NEK11: variants seen among roughly 807,000 people sequenced by gnomAD.
NEK11 encodes the protein NIMA related kinase 11, also known as serine/threonine-protein kinase Nek11.
NEK11 carries 72 observed loss-of-function variants against 80.7 expected under a neutral mutation model. That is an observed-to-expected ratio of 0.89 (90% CI 0.74 to 1.08). The LOEUF is 1.08. Among genes scored for constraint, NEK11 ranks in the 50% least tolerant of loss-of-function variants. The probability of loss-of-function intolerance (pLI) is 0.00; values close to 1 mark genes in which losing one functional copy is unlikely to be tolerated. For missense variants in NEK11, 764 were observed against 763.6 expected, an observed-to-expected ratio of 1.00 and a Z score of -0.01; for synonymous variants, 251 against 260.7, an observed-to-expected ratio of 0.96 and a Z score of 0.36.
chr3:131,207,599 C>T (rs1201368344), intron 14 of NEK11, among the ~76,000 whole-genome samples: 1 of 151,926 alleles, frequency 6.6e-6, no homozygotes, highest in African/African-American at 2.4e-5. Flanking sequence ...AAAAGTGTTC[C>T]TATTTCTCCA....
chr3:131,102,210 T>C (rs1413980258), intron 4 of NEK11, among the ~76,000 whole-genome samples: 3 of 152,180 alleles, frequency 2.0e-5, no homozygotes, highest in South Asian at 2.1e-4. Flanking sequence ...ATGTGAGATA[T>C]TGATCCTGTC....
At chr3:131,212,228 G>A (rs143859318) in intron 14 of NEK11, among the ~76,000 whole-genome samples, 3,727 of 152,264 alleles carry the variant, frequency 0.024, 159 homozygotes, top group African/African-American at 0.085. Flanking sequence ...AGGACCCTCA[G>A]CTGCAGGTCT....
intron 17 of NEK11, among the ~76,000 whole-genome samples, chr3:131,337,872 G>C (rs564211488): frequency 9.9e-5 from 15 of 152,236 alleles, no homozygotes; most frequent in Non-Finnish European, 1.9e-4. Flanking sequence ...TGAAACAGGA[G>C]TTATATCGCA....
chr3:131,336,626 A>C (rs1373911231), intron 17 of NEK11, among the ~76,000 whole-genome samples: 1 of 152,198 alleles, frequency 6.6e-6, no homozygotes, highest in East Asian at 1.9e-4. Context: ...ATGGGATCTC[A>C]TTAAACTAAA....
intron 17 of NEK11, among the ~76,000 whole-genome samples, chr3:131,341,144 C>G (rs1402291981): frequency 2.0e-5 from 3 of 152,112 alleles, no homozygotes; most frequent in Non-Finnish European, 4.4e-5. Flanking sequence ...TCTAAAAATT[C>G]AAATGCATCA....
intron 14 of NEK11, among the ~76,000 whole-genome samples, chr3:131,192,724 G>A (rs902489319): frequency 6.6e-6 from 1 of 152,102 alleles, no homozygotes; most frequent in African/African-American, 2.4e-5. Flanking sequence ...AATGAGCTAC[G>A]TATAGCAGCC....
intron 3 of NEK11, among the ~76,000 whole-genome samples, chr3:131,036,797 C>T (rs2065720189): frequency 3.3e-5 from 5 of 152,178 alleles, no homozygotes; most frequent in Admixed American, 3.3e-4. Context: ...TTTCTAACAG[C>T]TGTTACTACA....
At chr3:131,253,363 G>T (rs1191991892) in intron 16 of NEK11, among the ~76,000 whole-genome samples, 2 of 152,028 alleles carry the variant, frequency 1.3e-5, no homozygotes, top group African/African-American at 2.4e-5. Context: ...GATATTAAGT[G>T]ATTCTAGGCA....
intron 16 of NEK11, among the ~76,000 whole-genome samples, chr3:131,259,535 CT>C (rs1253334661): frequency 1.3e-5 from 2 of 152,078 alleles, no homozygotes; most frequent in African/African-American, 2.4e-5. Flanking sequence ...GTAGGCAGGA[CT>C]TTTATGCATG....
intron 16 of NEK11, among the ~76,000 whole-genome samples, chr3:131,252,569 T>A (rs565836008): frequency 6.6e-6 from 1 of 152,276 alleles, no homozygotes; most frequent in East Asian, 1.9e-4. Context: ...AGCATTTGTG[T>A]GGCTTCAGGA....
chr3:131,043,095 A>G (rs36040587), intron 3 of NEK11, among the ~76,000 whole-genome samples: 24,592 of 152,184 alleles, frequency 0.16, 2,098 homozygotes, highest in Non-Finnish European at 0.19. Flanking sequence ...ACCACGCAAA[A>G]ACTTCATCCA....
intron 17 of NEK11, among the ~76,000 whole-genome samples, chr3:131,274,877 TCTC>T (rs1307686775): frequency 2.3e-4 from 35 of 151,860 alleles, no homozygotes; most frequent in African/African-American, 8.2e-4. Flanking sequence ...ATGGTCTCGA[TCTC>T]CTGACCTCGT....
chr3:131,098,968 T>A (rs2077934295), intron 4 of NEK11, among the ~76,000 whole-genome samples: 1 of 152,190 alleles, frequency 6.6e-6, no homozygotes, highest in Non-Finnish European at 1.5e-5. Flanking sequence ...GCTGTGCAGA[T>A]GCTCTTTCAT....
At chr3:131,188,434 T>C (rs1170842501) in intron 14 of NEK11, among the ~76,000 whole-genome samples, 3 of 152,194 alleles carry the variant, frequency 2.0e-5, no homozygotes, top group African/African-American at 4.8e-5. Flanking sequence ...GTTTGCCTCT[T>C]TGAGCTTCAA....
intron 7 of NEK11, among the ~76,000 whole-genome samples, chr3:131,142,073 T>A (rs2149701071): frequency 6.6e-6 from 1 of 152,306 alleles, no homozygotes; most frequent in Admixed American, 6.5e-5. Context: ...CCTGCTCTGA[T>A]CCATAGTTTT....
In NEK11 at chr3:131,170,765, T is replaced by G. The variant is rs762674346; in HGVS notation, c.1285-8T>G. Reference sequence around the variant, plus strand: ...GCATCTCATGAATTGTTAATTACCTTCCACAAGGAATCTGATGAACCAACT... The same window carrying G: ...GCATCTCATGAATTGTTAATTACCTGCCACAAGGAATCTGATGAACCAACT... On this transcript the variant is annotated splice_polypyrimidine_tract_variant and splice_region_variant and intron_variant, in intron 13 of 17. Transcript: ENST00000383366. 5 of 1,564,980 alleles carry G rather than the reference T, an allele frequency of 3.2e-6. No individual in the cohort carries two copies. The highest frequency in any genetic ancestry group is 4.4e-6 in the Non-Finnish European group (5 of 1,135,248).
chr3:131,254,888 C>T (rs555257567), intron 16 of NEK11, among the ~76,000 whole-genome samples: 25 of 151,914 alleles, frequency 1.6e-4, no homozygotes, highest in South Asian at 6.2e-4. Flanking sequence ...GGCATTATGG[C>T]GGGTGCCTGT....
chr3:131,114,063 T>A (rs983603878), intron 5 of NEK11, among the ~76,000 whole-genome samples: 1 of 152,076 alleles, frequency 6.6e-6, no homozygotes, highest in South Asian at 2.1e-4. Flanking sequence ...GGAAGTTGTC[T>A]TCATCTTGAT....
rs568289448 is a variant in NEK11, at chr3:131,331,533, G to A, written c.1719-18024G>A. On this transcript the variant is annotated intron_variant, in intron 17 of 17. Transcript: ENST00000383366. ...GTCTACACCTCCCAGCGTGAGCGAC[G>A]CAGAATACGGGTGATTTCTGCATTT... Among the ~76,000 whole-genome samples the A allele has an allele frequency of 3.3e-5, 5 of 152,330 alleles. No individual in the cohort carries two copies. The East Asian group carries it at 9.7e-4, about 29-fold the overall frequency.
Sources: gnomAD v4.1 joint callset for allele counts (sites outside exome capture counted in the v4.1 genomes callset) on GRCh38, gnomAD v4.1.1 for gene constraint, MANE v1.5 for transcripts, NCBI Gene and HGNC (gene_info 2026-07-23, HGNC 2026-07-21) for gene names.